CRMP1: variants seen among roughly 807,000 people sequenced by gnomAD.
CRMP1 encodes dihydropyrimidinase-related protein 1.
Under a neutral mutation model 68.3 loss-of-function variants are expected in CRMP1, and 19 were observed. The observed-to-expected ratio is 0.28, with a 90% CI of 0.19 to 0.41. CRMP1 has a LOEUF of 0.41. Among genes scored for constraint, CRMP1 ranks in the 10% least tolerant of loss-of-function variants. The pLI, the probability that CRMP1 is intolerant of heterozygous loss-of-function variation, is 1.00. For synonymous variants in CRMP1, 439 were observed against 399.6 expected (o/e 1.10, Z -1.18); for missense variants, 791 against 967.4 (o/e 0.82, Z 2.42).
chr4:5,852,083 G>T (rs1334943741), intron 4 of CRMP1, among the ~76,000 whole-genome samples: 1 of 152,226 alleles, frequency 6.6e-6, no homozygotes, highest in African/African-American at 2.4e-5. Context: ...ATGAGCATCT[G>T]CAATACGGAA....
At chr4:5,856,331 T>A in intron 3 of CRMP1, 24 bp from the exon 4 acceptor site, 1 of 1,610,408 alleles carries the variant, frequency 6.2e-7, no homozygotes, top group Non-Finnish European at 8.5e-7. Context: ...ATATGCATCA[T>A]GATGCTTCAG....
intron 10 of CRMP1, 90 bp downstream of exon 10, chr4:5,836,675 C>T: frequency 1.9e-6 from 3 of 1,597,068 alleles, no homozygotes; most frequent in Non-Finnish European, 2.6e-6. Context: ...AAGAAGGGAA[C>T]TTTTAAGAAC....
At position 5,884,056 on chromosome 4, in the gene CRMP1, A is replaced by G. The variant is rs77952797; in HGVS notation, c.381+8533T>C. ...CCCTAGATGACAGATGCTCAGAGTC[A>G]GTAGTGGATGACTAATCATGGCCAC... On this transcript the variant is annotated intron_variant, in intron 1 of 13. Transcript: ENST00000324989. 6.8e-3 allele frequency among the ~76,000 whole-genome samples: 1,040 copies of G among 152,338 alleles called. 19 individuals carry two copies. The highest frequency in any genetic ancestry group is 0.024 in the African/African-American group (994 of 41,560).
In CRMP1 at chr4:5,841,545, G is replaced by A; in HGVS notation, c.1033-117C>T. On this transcript the variant is annotated intron_variant, in intron 7 of 13. Transcript: ENST00000324989. This position sits in a 1 kb window ranked among gnomAD's most constrained non-coding sequence, Gnocchi z 6.9. Reference sequence around the variant, plus strand: ...GGAAATCTGCTCCATTGAATGAGAAGGACATACTGAGTCCAACAGCGCTTG... The same window carrying A: ...GGAAATCTGCTCCATTGAATGAGAAAGACATACTGAGTCCAACAGCGCTTG... 2 of 1,503,780 alleles carry A rather than the reference G, an allele frequency of 1.3e-6. No homozygotes were observed. Among genetic ancestry groups the A allele is most frequent in the South Asian group, 2.5e-5 (2 of 79,362 alleles). 93.2% of individuals were successfully genotyped at this position (1,503,780 alleles called of 1,614,324 possible). A position where few individuals can be genotyped will look rare whatever the true frequency, so the allele number is the denominator to read the frequency against.
At chr4:5,873,065 C>T (rs1207251165) in intron 1 of CRMP1, among the ~76,000 whole-genome samples, 1 of 152,248 alleles carries the variant, frequency 6.6e-6, no homozygotes, top group Non-Finnish European at 1.5e-5. Flanking sequence ...GTGGCTAGAA[C>T]TCCACTCTAT....
Position 5,841,175 on chromosome 4 carries a change from T to A in CRMP1, c.1153+133A>T. On this transcript the variant is annotated intron_variant, in intron 8 of 13. Coordinates refer to ENST00000324989, the MANE Select transcript of CRMP1 (RefSeq NM_001014809.3). This position sits in a 1 kb window ranked among gnomAD's most constrained non-coding sequence, Gnocchi z 6.9. ...AAGAATTCCAGCCACCATCCTTGTGTCAGGAGCATCCCCGCTCCACCCCTC... is the reference window on the plus strand; with the variant it reads ...AAGAATTCCAGCCACCATCCTTGTGACAGGAGCATCCCCGCTCCACCCCTC... The A allele has an allele frequency of 3.7e-6, 5 of 1,348,706 alleles. No homozygotes were observed. Among genetic ancestry groups the A allele is most frequent in the Non-Finnish European group, 5.2e-6 (5 of 958,898 alleles). 83.5% of individuals were successfully genotyped at this position (1,348,706 alleles called of 1,614,324 possible).
At chr4:5,828,955 G>A (rs1303929430) in intron 11 of CRMP1, among the ~76,000 whole-genome samples, 3 of 152,176 alleles carry the variant, frequency 2.0e-5, no homozygotes, top group Admixed American at 6.5e-5. Flanking sequence ...ATGCAATGTG[G>A]CTGCTTTGAC....
chr4:5,825,667 GAGGA>G lies in CRMP1; in HGVS notation c.1804-12_1804-9del. ...CCCTTGCAATCCAAAAACCTAAACA[GAGGA>G]AGGGAGAGTGTGATTGATCGACACT... is the stretch of plus-strand genomic sequence containing the variant. On this transcript the variant is annotated splice_polypyrimidine_tract_variant and intron_variant, in intron 12 of 13. Transcript: ENST00000324989. This position sits in a 1 kb window ranked among gnomAD's most constrained non-coding sequence, Gnocchi z 4.4. The G allele has an allele frequency of 6.2e-7, 1 of 1,612,388 alleles. No homozygotes were observed. Among genetic ancestry groups the G allele is most frequent in the Non-Finnish European group, 8.5e-7 (1 of 1,179,248 alleles).
At chr4:5,874,493 T>C (rs1714674707) in intron 1 of CRMP1, among the ~76,000 whole-genome samples, 1 of 152,158 alleles carries the variant, frequency 6.6e-6, no homozygotes, top group African/African-American at 2.4e-5. Flanking sequence ...CATGTGCCCA[T>C]CTCTCATTGA....
chr4:5,884,485 C>CACACACACAT (rs1715433713), intron 1 of CRMP1, among the ~76,000 whole-genome samples: 1 of 151,788 alleles, frequency 6.6e-6, no homozygotes, highest in Non-Finnish European at 1.5e-5. Flanking sequence ...TATGCATGCA[C>CACACACACAT]ACACACACAC....
intron 5 of CRMP1, 27 bp from the exon 6 acceptor site, chr4:5,849,499 G>A (rs1473318432): frequency 6.7e-7 from 1 of 1,487,964 alleles, no homozygotes. Flanking sequence ...AGGGGTTGGT[G>A]TGAGATTTAA....
chr4:5,836,033 G>A lies in CRMP1; in HGVS notation c.1505C>T (p.Ala502Val). 2 of 1,599,622 alleles carry A rather than the reference G, an allele frequency of 1.3e-6. No homozygotes were observed. The highest frequency in any genetic ancestry group is 8.5e-7 in the Non-Finnish European group (1 of 1,173,102). ...NQFVAVTSTN[A>V]AKIFNLYPRK... ...TGGGTACAGGTTAAAGATCTTGGCT[G>A]CATTGGTGCTGGTGACAGCGACAAA... The change falls in exon 11 of 14, where the codon GCA becomes GTA. Residue 502 changes from alanine (A) to valine (V), a missense_variant. Physicochemically the swap from Ala to Val is moderately conservative, Grantham distance 64. Transcript: ENST00000324989.
chr4:5,844,117 G>A (rs1004176006), intron 6 of CRMP1, among the ~76,000 whole-genome samples: 8 of 152,058 alleles, frequency 5.3e-5, no homozygotes, highest in Admixed American at 1.3e-4. Context: ...TCTCAACTGC[G>A]CGTCTATGGT....
In CRMP1 at chr4:5,833,223, G is replaced by T. The variant is rs188135045; in HGVS notation, c.1623+2692C>A. ...GCTCTGTCGCCCAGGCTGGAGTGCA[G>T]TGGTGGGATCTCGGCTCACCGCAAG... On this transcript the variant is annotated intron_variant, in intron 11 of 13. Coordinates refer to ENST00000324989, the MANE Select transcript of CRMP1 (RefSeq NM_001014809.3). Among the ~76,000 whole-genome samples, 507 of 82,790 alleles carry T rather than the reference G, an allele frequency of 6.1e-3. 82 individuals are homozygous for T. Among genetic ancestry groups the T allele is most frequent in the African/African-American group, 0.026 (480 of 18,136 alleles). The allele number at this position is 82,790 out of a possible 152,430, so 54.3% of individuals were successfully genotyped here.
rs1720054970 is a variant in CRMP1, at chr4:5,828,580, C to T, written c.1712G>A (p.Gly571Glu). 6.2e-7 allele frequency: 1 copy of T among 1,614,100 alleles called. No homozygotes were observed. Reference sequence around the variant, plus strand: ...CATGCCCTTGTTGACGTTGATGTTTCCGTCTTCAAAGACGATCTTGCCCTG... The same window carrying T: ...CATGCCCTTGTTGACGTTGATGTTTTCGTCTTCAAAGACGATCTTGCCCTG... ...ISQGKIVFED[G>E]NINVNKGMGR... The change falls in exon 12 of 14, where the codon GGA becomes GAA. Residue 571 changes from glycine (G) to glutamate (E), a missense_variant. By Grantham distance (98) the Gly-to-Glu change is moderately conservative (BLOSUM62 -2). Coordinates refer to ENST00000324989, the MANE Select transcript of CRMP1 (RefSeq NM_001014809.3).
rs890142699 is a variant in CRMP1, at chr4:5,825,367, G to A, written c.1969+127C>T. On this transcript the variant is annotated intron_variant, in intron 13 of 13. Transcript: ENST00000324989. This position sits in a 1 kb window ranked among gnomAD's most constrained non-coding sequence, Gnocchi z 4.4. ...ACCAGTGAGAGCAGGCTCGGGTGGG[G>A]CACACTCCCTTCCCTGCTTCTTCAT... The A allele has an allele frequency of 3.1e-5, 45 of 1,444,244 alleles. 1 individual carries two copies. The highest frequency in any genetic ancestry group is 6.1e-5 in the Admixed American group (2 of 32,786). The allele number at this position is 1,444,244 out of a possible 1,614,324, so 89.5% of individuals were successfully genotyped here.
rs13148601 is a variant in CRMP1 at position 5,842,443 on chromosome 4, A to G, written c.1032+650T>C. Among the ~76,000 whole-genome samples the G allele has an allele frequency of 0.38, 56,564 of 147,402 alleles. 11,385 individuals carry two copies. Among genetic ancestry groups the G allele is most frequent in the African/African-American group, 0.47 (18,547 of 39,850 alleles). ...GACTCCATCTCAAAAAAAAAAAAAA[A>G]AAAAGAAAAGAAAGAAAGAAAGTAA... On this transcript the variant is annotated intron_variant, in intron 7 of 13. Coordinates refer to ENST00000324989, the MANE Select transcript of CRMP1 (RefSeq NM_001014809.3). The surrounding 1 kb of genome is among the most constrained non-coding windows in gnomAD (Gnocchi z 4.5).
At chr4:5,868,277 A>ATCTATATC (rs1190335548) in intron 1 of CRMP1, among the ~76,000 whole-genome samples, 1 of 78,602 alleles carries the variant, frequency 1.3e-5, no homozygotes, top group African/African-American at 7.3e-5. Flanking sequence ...ATATATATAT[A>ATCTATATC]TATATATATA....
chr4:5,847,504 G>A (rs1039020562), intron 6 of CRMP1, among the ~76,000 whole-genome samples: 2 of 152,152 alleles, frequency 1.3e-5, no homozygotes, highest in Non-Finnish European at 2.9e-5. Flanking sequence ...TTGAGTGTGG[G>A]CTGGATGCAG....
Sources: gnomAD v4.1 joint callset for allele counts (sites outside exome capture counted in the v4.1 genomes callset) on GRCh38, gnomAD v4.1.1 for gene constraint, Gnocchi (gnomAD v3.1) non-coding constraint, MANE v1.5 for transcripts, NCBI Gene and HGNC (gene_info 2026-07-23, HGNC 2026-07-21) for gene names.